The following CEP170B variants were observed in gnomAD, a reference collection of about 807,000 sequenced individuals.
CEP170B encodes the protein centrosomal protein 170B, also known as centrosomal protein of 170 kDa protein B.
Under a neutral mutation model 120.6 loss-of-function variants are expected in CEP170B, and 55 were observed. The observed-to-expected ratio is 0.46, with a 90% CI of 0.37 to 0.57. The LOEUF is 0.57. CEP170B is among the 20% of genes least tolerant of loss of function. CEP170B has a pLI of 0.00. For missense variants in CEP170B, 2,212 were observed against 2,253.3 expected, an observed-to-expected ratio of 0.98 and a Z score of 0.37; for synonymous variants, 1,033 against 954.5, an observed-to-expected ratio of 1.08 and a Z score of -1.52.
At chr14:104,890,196 AGGT>A (rs1896743052) in intron 13 of CEP170B, among the ~76,000 whole-genome samples, 1 of 9,482 alleles carries the variant, frequency 1.1e-4, no homozygotes, top group African/African-American at 4.8e-4. Context: ...ATGGGTGGGT[AGGT>A]GGGTGGGTGG....
chr14:104,877,340 G>A (rs1895907051), intron 3 of CEP170B, among the ~76,000 whole-genome samples: 1 of 152,208 alleles, frequency 6.6e-6, no homozygotes, highest in Non-Finnish European at 1.5e-5. Context: ...GTGCTCCTGG[G>A]CCCTGCATGG....
chr14:104,872,698 G>C (rs1045778099), intron 2 of CEP170B, among the ~76,000 whole-genome samples: 1 of 152,062 alleles, frequency 6.6e-6, no homozygotes, highest in Non-Finnish European at 1.5e-5. Flanking sequence ...CCCGTGCATC[G>C]AGCCGGTCTG....
At position 104,867,673 on chromosome 14, in the gene CEP170B, G is replaced by T. The variant is rs1895267373; in HGVS notation, c.-27-751G>T. ...CTCAGGCTGTCCCCGTTACCTCCCA[G>T]GCTGCCACGGGGCTCCCTGCCTGTC... On this transcript the variant is annotated intron_variant, in intron 1 of 18. Transcript: ENST00000414716. The surrounding 1 kb of genome is among the most constrained non-coding windows in gnomAD (Gnocchi z 5.4). Among the ~76,000 whole-genome samples, 1 of 151,870 alleles carries T rather than the reference G, an allele frequency of 6.6e-6. No individual in the cohort carries two copies. The highest frequency in any genetic ancestry group is 6.6e-5 in the Admixed American group (1 of 15,264).
rs563773689 is a variant in CEP170B at position 104,877,347 on chromosome 14, A to AT, written c.196-537dup. 1.6e-3 allele frequency among the ~76,000 whole-genome samples: 239 copies of AT among 152,238 alleles called. 1 individual carries two copies. In the Middle Eastern group the frequency reaches 0.027, roughly 17 times the overall value. ...CCCAGTCCGTGCTCCTGGGCCCTGC[A>AT]TGGTTGGCTACTTCTGAGGCCTGTG... On this transcript the variant is annotated intron_variant, in intron 3 of 18. Coordinates refer to ENST00000414716, the MANE Select transcript of CEP170B (RefSeq NM_001112726.3).
chr14:104,890,481 AATGAGTGGGTTGGTGG>A (rs1896773812), intron 13 of CEP170B, among the ~76,000 whole-genome samples: 3 of 60,856 alleles, frequency 4.9e-5, no homozygotes, highest in Admixed American at 1.6e-4. Flanking sequence ...TGGATGGATG[AATGAGTGGGTTGGTGG>A]ATGGATGGAT....
intron 2 of CEP170B, among the ~76,000 whole-genome samples, chr14:104,872,273 TGCCGTGTGTGTGCC>T (rs1409873100): frequency 9.4e-6 from 1 of 106,858 alleles, no homozygotes; most frequent in Non-Finnish European, 1.8e-5. Flanking sequence ...CGTGTGGGTG[TGCCGTGTGTGTGCC>T]GCGTGTGTGT....
chr14:104,886,032 C>T lies in CEP170B; in HGVS notation c.1945-8C>T. 6.6e-7 allele frequency: 1 copy of T among 1,526,296 alleles called. No homozygotes were observed. 94.5% of individuals were successfully genotyped at this position (1,526,296 alleles called of 1,614,324 possible). On this transcript the variant is annotated splice_region_variant and splice_polypyrimidine_tract_variant and intron_variant, in intron 10 of 18. Transcript: ENST00000414716. ...CGTGTGGAAACACTCCCACCCTCCT[C>T]TCCACAGGGCCTCCCGGTGCCGGGC...
chr14:104,887,415 A>G lies in CEP170B; in HGVS notation c.3176A>G (p.Asp1059Gly), dbSNP rs754929468. The change falls in exon 12 of 19, where the codon GAT (aspartate) becomes GGT (glycine). Residue 1059 changes from aspartate to glycine, a missense_variant. By Grantham distance (94) the Asp-to-Gly change is moderately conservative (BLOSUM62 -1). This residue lies in a region of CEP170B where 2,166 missense variants were observed against 2,166.7 expected (regional missense o/e 1.00). Coordinates refer to ENST00000414716, the MANE Select transcript of CEP170B (RefSeq NM_001112726.3). ...GTCCTCGCCCACCTACCCAGCTCAG[A>G]TGTGATGGCCTCCAACCACGAAACC... ...GPVLAHLPSSDVMASNHETPE... is the reference protein window; with the variant it reads ...GPVLAHLPSSGVMASNHETPE... The G allele has an allele frequency of 5.0e-6, 8 of 1,611,910 alleles. No individual in the cohort carries two copies. Among genetic ancestry groups the G allele is most frequent in the Non-Finnish European group, 5.9e-6 (7 of 1,179,572 alleles).
Position 104,894,846 on chromosome 14 carries a change from A to T in CEP170B, c.4553A>T (p.Glu1518Val). ...AGCCCACCCTCACCCGCCTCAGCCG[A>T]GGCCCTGCTGCCAGCCCTGCCCCTG... ...AQSPPSPASA[E>V]ALLPALPLRN... The change falls in exon 19 of 19, where the codon GAG (glutamate) becomes GTG (valine). Residue 1518 changes from glutamate to valine, a missense_variant. Transcript: ENST00000414716. The T allele has an allele frequency of 1.2e-6, 2 of 1,609,674 alleles. No homozygotes were observed. The highest frequency in any genetic ancestry group is 1.7e-6 in the Non-Finnish European group (2 of 1,178,720).
chr14:104,893,506 G>T lies in CEP170B; in HGVS notation c.4039-17G>T, dbSNP rs779550886. On this transcript the variant is annotated splice_polypyrimidine_tract_variant and intron_variant, in intron 14 of 18. Transcript: ENST00000414716. ...GCCTCTGCCTGGGGCCCACGGTGCC[G>T]GCCCTCCCTCTTGCAGCTGGTGCAG... 4 of 1,597,182 alleles carry T rather than the reference G, an allele frequency of 2.5e-6. No homozygotes were observed. Among genetic ancestry groups the T allele is most frequent in the Non-Finnish European group, 1.7e-6 (2 of 1,173,712 alleles).
chr14:104,878,744 C>T lies in CEP170B; in HGVS notation c.333+243C>T, dbSNP rs530686082. 6.6e-5 allele frequency among the ~76,000 whole-genome samples: 10 copies of T among 152,192 alleles called. 1 individual carries two copies. Among genetic ancestry groups the T allele is most frequent in the East Asian group, 3.9e-4 (2 of 5,190 alleles). On this transcript the variant is annotated intron_variant, in intron 5 of 18. Coordinates refer to ENST00000414716, the MANE Select transcript of CEP170B (RefSeq NM_001112726.3). ...GTGACAGGTGGCGGGGGCACCGGGA[C>T]GCGGGTGCCACTGTTGTGGATGCAG...
chr14:104,878,216 A>G (rs1352563360), intron 4 of CEP170B, among the ~76,000 whole-genome samples: 1 of 151,870 alleles, frequency 6.6e-6, no homozygotes, highest in Non-Finnish European at 1.5e-5. Context: ...CTGAGGTCAC[A>G]TGGGGCCTGG....
rs1444034552 is a variant in CEP170B, at chr14:104,896,389, A to C, written c.*1431A>C. On this transcript the variant is annotated 3_prime_UTR_variant, in exon 19 of 19. Coordinates refer to ENST00000414716, the MANE Select transcript of CEP170B (RefSeq NM_001112726.3). ...CCCGCCCCAAGAGCCTGCTGTCTGT[A>C]TGGAGGAGGTGCTAGCCCGGTCCAC... The C allele has an allele frequency of 2.8e-6, 1 of 354,698 alleles. No individual in the cohort carries two copies. The highest frequency in any genetic ancestry group is 2.2e-5 in the African/African-American group (1 of 46,412). 22.0% of individuals were successfully genotyped at this position (354,698 alleles called of 1,614,324 possible). A position where few individuals can be genotyped will look rare whatever the true frequency, so the allele number is the denominator to read the frequency against.
intron 2 of CEP170B, among the ~76,000 whole-genome samples, chr14:104,873,224 G>T (rs896977013): frequency 1.3e-5 from 2 of 150,926 alleles, no homozygotes; most frequent in African/African-American, 4.9e-5. Context: ...GGGCAGCTGG[G>T]CTCGGGGTGT....
chr14:104,893,329 C>T (rs937552211), intron 14 of CEP170B, among the ~76,000 whole-genome samples, 194 bp downstream of exon 14: 2 of 152,238 alleles, frequency 1.3e-5, no homozygotes, highest in Non-Finnish European at 2.9e-5. Context: ...GCTCGTGGCA[C>T]CTGAGTCAAG....
intron 3 of CEP170B, among the ~76,000 whole-genome samples, 187 bp downstream of exon 3, chr14:104,876,532 T>G (rs530135132): frequency 7.1e-6 from 1 of 141,530 alleles, no homozygotes; most frequent in East Asian, 2.0e-4. Flanking sequence ...CCTTCTCAGC[T>G]CTGGCTCCTC....
chr14:104,881,028 G>A (rs1274641636), intron 6 of CEP170B, among the ~76,000 whole-genome samples: 1 of 152,220 alleles, frequency 6.6e-6, no homozygotes, highest in South Asian at 2.1e-4. Flanking sequence ...TCTGTCCCCA[G>A]TGGTGAGAGG....
In CEP170B at chr14:104,896,468, A is replaced by G. The variant is rs957880068; in HGVS notation, c.*1510A>G. 2.1e-5 allele frequency: 9 copies of G among 420,972 alleles called. No homozygotes were observed. In the East Asian group the frequency reaches 3.6e-4, roughly 17 times the overall value. 26.1% of individuals were successfully genotyped at this position (420,972 alleles called of 1,614,324 possible). A position where few individuals can be genotyped will look rare whatever the true frequency, so the allele number is the denominator to read the frequency against. On this transcript the variant is annotated 3_prime_UTR_variant, in exon 19 of 19. Transcript: ENST00000414716. ...AGTTGCCCACCCCGCCTGCCCCTGGACATGAAGTGGTCACGCTTCATCCAC... is the reference window on the plus strand; with the variant it reads ...AGTTGCCCACCCCGCCTGCCCCTGGGCATGAAGTGGTCACGCTTCATCCAC...
chr14:104,883,860 G>T lies in CEP170B; in HGVS notation c.1081G>T (p.Asp361Tyr). 6.4e-7 allele frequency: 1 copy of T among 1,570,264 alleles called. No individual in the cohort carries two copies. Among genetic ancestry groups the T allele is most frequent in the Non-Finnish European group, 8.6e-7 (1 of 1,158,548 alleles). Reference sequence around the variant, plus strand: ...CAAGCACGAGGACGGCACGCAGAGTGACTCAGAGGACCCCCTGGCCAAGGC... The same window carrying T: ...CAAGCACGAGGACGGCACGCAGAGTTACTCAGAGGACCCCCTGGCCAAGGC... ...GHKHEDGTQS[D>Y]SEDPLAKAAS... The change falls in exon 9 of 19, where the codon GAC becomes TAC. Residue 361 changes from aspartate to tyrosine, a missense_variant. Physicochemically the swap from Asp to Tyr is radical, Grantham distance 160. Coordinates refer to ENST00000414716, the MANE Select transcript of CEP170B (RefSeq NM_001112726.3).
Sources: gnomAD v4.1 joint callset for allele counts (sites outside exome capture counted in the v4.1 genomes callset) on GRCh38, gnomAD v4.1.1 for gene constraint, gnomAD v4.1.1 regional missense constraint, Gnocchi (gnomAD v3.1) non-coding constraint, MANE v1.5 for transcripts, NCBI Gene and HGNC (gene_info 2026-07-23, HGNC 2026-07-21) for gene names.